Variants in ADK observed in about 807,000 individuals in gnomAD.
ADK encodes the protein N6,N6-dimethyladenosine kinase.
A neutral mutation model predicts 44.7 loss-of-function variants in ADK; 24 were observed. The observed-to-expected ratio is 0.54, with a 90% CI of 0.39 to 0.76. The LOEUF (loss-of-function observed/expected upper bound fraction) is 0.76. Among genes scored for constraint, ADK ranks in the 30% least tolerant of loss-of-function variants. The pLI, the probability that ADK is intolerant of heterozygous loss-of-function variation, is 0.00. For synonymous variants in ADK, 128 were observed against 142.6 expected (o/e 0.90, Z 0.73); for missense variants, 321 against 425.1 (o/e 0.76, Z 2.15).
At chr10:74,273,906 A>G (rs559852229) in intron 3 of ADK, among the ~76,000 whole-genome samples, 30 of 152,060 alleles carry the variant, frequency 2.0e-4, no homozygotes, top group African/African-American at 7.0e-4. Context: ...GTTCTATGCA[A>G]TTTTTTTTGT....
chr10:74,551,104 T>A (rs937194345), intron 7 of ADK, among the ~76,000 whole-genome samples: 1 of 152,112 alleles, frequency 6.6e-6, no homozygotes, highest in Non-Finnish European at 1.5e-5. Flanking sequence ...GATGTACTAA[T>A]AGACAAAGGA....
chr10:74,694,289 G>A (rs1184012429), intron 10 of ADK, among the ~76,000 whole-genome samples: 1 of 150,916 alleles, frequency 6.6e-6, no homozygotes, highest in Non-Finnish European at 1.5e-5. Context: ...GGTAGCTCAT[G>A]CCTGTAATCT....
At chr10:74,309,514 A>G (rs996398301) in intron 3 of ADK, among the ~76,000 whole-genome samples, 1 of 152,194 alleles carries the variant, frequency 6.6e-6, no homozygotes, top group Admixed American at 6.6e-5. Context: ...GTACCTTCAG[A>G]ATTGCTAGGA....
intron 6 of ADK, among the ~76,000 whole-genome samples, chr10:74,450,334 A>G (rs1845732591): frequency 1.3e-5 from 2 of 152,146 alleles, no homozygotes; most frequent in Admixed American, 6.5e-5. Context: ...CAATACAGCA[A>G]TACAGCCCCA....
At chr10:74,385,890 A>T (rs1843122919) in intron 4 of ADK, among the ~76,000 whole-genome samples, 1 of 152,208 alleles carries the variant, frequency 6.6e-6, no homozygotes, top group African/African-American at 2.4e-5. Context: ...TAACAAAAAT[A>T]ACAATAGAAC....
intron 6 of ADK, among the ~76,000 whole-genome samples, chr10:74,491,804 CT>C (rs1847499387): frequency 6.6e-6 from 1 of 152,028 alleles, no homozygotes; most frequent in African/African-American, 2.4e-5. Flanking sequence ...GTGTGTGTTG[CT>C]TTCCCCCCCG....
intron 3 of ADK, among the ~76,000 whole-genome samples, chr10:74,242,056 A>G (rs1845229488): frequency 6.6e-6 from 1 of 152,214 alleles, no homozygotes; most frequent in Non-Finnish European, 1.5e-5. Context: ...CTGTTGCTTT[A>G]AAGCCTTCAA....
intron 4 of ADK, among the ~76,000 whole-genome samples, chr10:74,361,493 A>G (rs774614433): frequency 5.3e-5 from 8 of 152,198 alleles, no homozygotes; most frequent in Non-Finnish European, 1.2e-4. Flanking sequence ...TGATTGGAAA[A>G]AAAACACACA....
At chr10:74,680,529 T>A (rs1237199759) in intron 10 of ADK, among the ~76,000 whole-genome samples, 1 of 152,162 alleles carries the variant, frequency 6.6e-6, no homozygotes, top group African/African-American at 2.4e-5. Context: ...GTCTGAATTT[T>A]TTTTTTTTTA....
intron 7 of ADK, among the ~76,000 whole-genome samples, chr10:74,566,828 AG>A (rs1168618015): frequency 6.6e-6 from 1 of 152,260 alleles, no homozygotes; most frequent in Non-Finnish European, 1.5e-5. Flanking sequence ...CCTTTTAAAA[AG>A]ATACTTTACT....
chr10:74,264,033 A>G (rs966173948), intron 3 of ADK, among the ~76,000 whole-genome samples: 1 of 152,216 alleles, frequency 6.6e-6, no homozygotes, highest in Non-Finnish European at 1.5e-5. Flanking sequence ...ATTTCAATTA[A>G]TTAAAATTAA....
intron 9 of ADK, among the ~76,000 whole-genome samples, chr10:74,601,199 G>A (rs192044527): frequency 1.2e-4 from 18 of 151,992 alleles, no homozygotes; most frequent in Non-Finnish European, 2.9e-5. Context: ...TAAAATATAA[G>A]TACAAAGTAA....
chr10:74,239,527 A>T (rs1459183464), intron 3 of ADK, among the ~76,000 whole-genome samples: 1 of 151,958 alleles, frequency 6.6e-6, no homozygotes, highest in Admixed American at 6.6e-5. Flanking sequence ...ACTCGGCAAC[A>T]TAGTGAGAGC....
intron 4 of ADK, among the ~76,000 whole-genome samples, chr10:74,370,034 A>G (rs754072062): frequency 6.6e-6 from 1 of 152,212 alleles, no homozygotes; most frequent in Non-Finnish European, 1.5e-5. Context: ...TTTCTATCAC[A>G]TAAATAATAG....
chr10:74,665,767 G>C (rs1854927670), intron 9 of ADK, among the ~76,000 whole-genome samples: 2 of 149,640 alleles, frequency 1.3e-5, no homozygotes, highest in Non-Finnish European at 2.9e-5. Context: ...GAGAGAGAGA[G>C]AGAGAGAGAG....
intron 4 of ADK, among the ~76,000 whole-genome samples, chr10:74,370,868 C>T (rs1007071592): frequency 2.6e-5 from 4 of 152,004 alleles, no homozygotes; most frequent in Non-Finnish European, 4.4e-5. Flanking sequence ...GCCACTGCAC[C>T]CAGGCTAGGG....
chr10:74,368,836 C>T (rs1842573488), intron 4 of ADK, among the ~76,000 whole-genome samples: 1 of 152,092 alleles, frequency 6.6e-6, no homozygotes, highest in Admixed American at 6.6e-5. Context: ...CCATGTTGGC[C>T]AGGCTGGTCT....
chr10:74,685,418 G>A (rs1378139188), intron 10 of ADK, among the ~76,000 whole-genome samples: 1 of 152,164 alleles, frequency 6.6e-6, no homozygotes, highest in Non-Finnish European at 1.5e-5. Flanking sequence ...AAGATGTTGG[G>A]TTTTCTTTGT....
intron 4 of ADK, among the ~76,000 whole-genome samples, chr10:74,329,095 T>C (rs1841122777): frequency 1.0e-5 from 1 of 99,272 alleles, no homozygotes; most frequent in South Asian, 3.0e-4. Flanking sequence ...AAATCTAATC[T>C]TCTGTGCAGG....
Sources: gnomAD v4.1 joint callset for allele counts (sites outside exome capture counted in the v4.1 genomes callset) on GRCh38, gnomAD v4.1.1 for gene constraint, MANE v1.5 for transcripts, NCBI Gene and HGNC (gene_info 2026-07-23, HGNC 2026-07-21) for gene names.